GAS2L3: variants seen among roughly 807,000 people sequenced by gnomAD.
The protein encoded by GAS2L3 is growth arrest specific 2 like 3, also known as GAS2-like protein 3.
Under a neutral mutation model 37.0 loss-of-function variants are expected in GAS2L3, and 28 were observed. The observed-to-expected ratio is 0.76, with a 90% confidence interval of 0.56 to 1.04. The LOEUF is 1.04. Ranked by LOEUF, GAS2L3 falls within the 50% of genes least tolerant of loss-of-function variation. The pLI, the probability that GAS2L3 is intolerant of heterozygous loss-of-function variation, is 0.00. For synonymous variants in GAS2L3, 290 were observed against 296.6 expected (o/e 0.98, Z 0.23); for missense variants, 793 against 817.6 (o/e 0.97, Z 0.37).
intron 1 of GAS2L3, among the ~76,000 whole-genome samples, chr12:100,588,274 C>T (rs972216477): frequency 8.5e-5 from 13 of 152,064 alleles, no homozygotes; most frequent in African/African-American, 3.1e-4. Flanking sequence ...TAAAGAGAGA[C>T]AGTACAAAGA....
chr12:100,579,391 T>A, intron 1 of GAS2L3: 1 of 915,354 alleles, frequency 1.1e-6, no homozygotes, highest in South Asian at 1.5e-5. Context: ...TTGACTTCAC[T>A]CCAGACCCAT....
chr12:100,615,331 A>G (rs1303411330), intron 6 of GAS2L3, among the ~76,000 whole-genome samples: 1 of 152,088 alleles, frequency 6.6e-6, no homozygotes, highest in Non-Finnish European at 1.5e-5. Flanking sequence ...TCCTTTGCCT[A>G]TTTTAAAAAT....
chr12:100,605,168 T>C (rs1956041299), intron 5 of GAS2L3, among the ~76,000 whole-genome samples: 1 of 152,040 alleles, frequency 6.6e-6, no homozygotes, highest in Non-Finnish European at 1.5e-5. Context: ...AGGATTGCTA[T>C]TAGTTCTTTA....
Position 100,622,257 on chromosome 12 carries a change from A to G in GAS2L3, c.649-18A>G. On this transcript the variant is annotated intron_variant, in intron 8 of 9. Coordinates refer to ENST00000547754, the MANE Select transcript of GAS2L3 (RefSeq NM_174942.3). ...CTTTTTGTGACAAGCACTAAATTTTATTTGTTCGTCATCTTAGGTTAAACA... is the reference window on the plus strand; with the variant it reads ...CTTTTTGTGACAAGCACTAAATTTTGTTTGTTCGTCATCTTAGGTTAAACA... 1.5e-6 allele frequency: 2 copies of G among 1,370,750 alleles called. No individual in the cohort carries two copies. The highest frequency in any genetic ancestry group is 2.1e-6 in the Non-Finnish European group (2 of 972,350). 84.9% of individuals were successfully genotyped at this position (1,370,750 alleles called of 1,614,324 possible).
Position 100,623,848 on chromosome 12 carries a change from G to C in GAS2L3, c.1043G>C (p.Arg348Pro). 2 of 1,613,896 alleles carry C rather than the reference G, an allele frequency of 1.2e-6. No homozygotes were observed. Among genetic ancestry groups the C allele is most frequent in the South Asian group, 2.2e-5 (2 of 91,070 alleles). Residue 348 changes from arginine (R) to proline (P), a missense_variant, in exon 10 of 10, where the codon CGT becomes CCT. Arg to Pro is a moderately radical substitution (Grantham distance 103). Transcript: ENST00000547754. ...CCAAAAAGCAAAGAAAAACAGGGAC[G>C]TCCACCAGGTGCATTGGTGCCAGCA... ...SIPKSKEKQG[R>P]PPGALVPASS...
chr12:100,586,082 T>G (rs556987183), intron 1 of GAS2L3, among the ~76,000 whole-genome samples: 3 of 152,318 alleles, frequency 2.0e-5, no homozygotes, highest in Admixed American at 6.5e-5. Flanking sequence ...CTCTCTTAGT[T>G]AAAATTCATT....
At chr12:100,580,191 C>G (rs1955693392) in intron 1 of GAS2L3, 1 of 706,434 alleles carries the variant, frequency 1.4e-6, no homozygotes, top group East Asian at 2.5e-5. Flanking sequence ...TATCTAAAAC[C>G]AGGTAGAAGA....
At position 100,624,172 on chromosome 12, in the gene GAS2L3, C is replaced by T. The variant is rs1309413530; in HGVS notation, c.1367C>T (p.Pro456Leu). ...CCAGCCCAGAATTCAGCAGATCTGCCCGAGTCCACACTTTTGCCAAATAAG... is the reference window on the plus strand; with the variant it reads ...CCAGCCCAGAATTCAGCAGATCTGCTCGAGTCCACACTTTTGCCAAATAAG... ...VIPAQNSADLPESTLLPNKCS... is the reference protein window; with the variant it reads ...VIPAQNSADLLESTLLPNKCS... Residue 456 changes from proline to leucine, a missense_variant, in exon 10 of 10, where the codon CCC (proline) becomes CTC (leucine). By Grantham distance (98) the Pro-to-Leu change is moderately conservative (BLOSUM62 -3). Transcript: ENST00000547754. 2 of 1,613,646 alleles carry T rather than the reference C, an allele frequency of 1.2e-6. No individual in the cohort carries two copies. Among genetic ancestry groups the T allele is most frequent in the South Asian group, 1.1e-5 (1 of 91,042 alleles).
chr12:100,585,054 ATTT>A (rs34714372), intron 1 of GAS2L3, among the ~76,000 whole-genome samples: 9 of 118,620 alleles, frequency 7.6e-5, no homozygotes, highest in African/African-American at 2.6e-4. Context: ...ACACCTGGCT[ATTT>A]TTTTTTTTTT....
intron 6 of GAS2L3, among the ~76,000 whole-genome samples, chr12:100,617,359 G>C (rs1218070410): frequency 6.6e-6 from 1 of 152,152 alleles, no homozygotes; most frequent in Non-Finnish European, 1.5e-5. Flanking sequence ...CTTTGTAAGA[G>C]TTTGAGAAAG....
rs536860593 is a variant in GAS2L3, at chr12:100,579,061, C to T, written c.-152+5276C>T. On this transcript the variant is annotated intron_variant, in intron 1 of 9. Transcript: ENST00000547754. ...ATAACCAGTCTATGGCCATGACCCT[C>T]TTTCACAGTCTGCCATTGCTCAAGT... 242 of 746,190 alleles carry T rather than the reference C, an allele frequency of 3.2e-4. No individual in the cohort carries two copies. The African/African-American group carries it at 3.9e-3, about 12-fold the overall frequency. The allele number at this position is 746,190 out of a possible 1,614,324, so 46.2% of individuals were successfully genotyped here.
intron 1 of GAS2L3, among the ~76,000 whole-genome samples, chr12:100,587,513 G>A (rs940893886): frequency 6.6e-6 from 1 of 152,176 alleles, no homozygotes; most frequent in Admixed American, 6.5e-5. Flanking sequence ...TGGAGAAAAA[G>A]CATTAGGCAA....
intron 8 of GAS2L3, among the ~76,000 whole-genome samples, chr12:100,619,494 TTTGA>T (rs538357807): frequency 4.6e-5 from 7 of 152,088 alleles, no homozygotes; most frequent in Non-Finnish European, 1.0e-4. Context: ...AAAGTATTGC[TTTGA>T]TTGTTTTGTT....
chr12:100,610,319 T>C (rs1333639109), intron 5 of GAS2L3, among the ~76,000 whole-genome samples: 6 of 152,226 alleles, frequency 3.9e-5, no homozygotes, highest in Admixed American at 1.3e-4. Flanking sequence ...ATTTTTTAAA[T>C]ATGTTATTTT....
At chr12:100,576,715 A>G (rs1955641789) in intron 1 of GAS2L3, among the ~76,000 whole-genome samples, 1 of 151,772 alleles carries the variant, frequency 6.6e-6, no homozygotes, top group Non-Finnish European at 1.5e-5. Context: ...AAAACTCAGA[A>G]AGTGTTTTCA....
At chr12:100,588,364 C>A (rs939386492) in intron 1 of GAS2L3, among the ~76,000 whole-genome samples, 3 of 152,114 alleles carry the variant, frequency 2.0e-5, no homozygotes, top group African/African-American at 7.2e-5. Flanking sequence ...CTCAGACCAG[C>A]AAGTTTTTAT....
At position 100,623,555 on chromosome 12, in the gene GAS2L3, G is replaced by C; in HGVS notation, c.757-7G>C. On this transcript the variant is annotated splice_region_variant and splice_polypyrimidine_tract_variant and intron_variant, in intron 9 of 9. Transcript: ENST00000547754. ...CAGCTTTACTTTTTGTTTTCCTTTG[G>C]GGGCAGATGCTTCATGGAAAACATG... 6.3e-7 allele frequency: 1 copy of C among 1,583,000 alleles called. No homozygotes were observed. The highest frequency in any genetic ancestry group is 8.6e-7 in the Non-Finnish European group (1 of 1,167,472).
intron 2 of GAS2L3, among the ~76,000 whole-genome samples, chr12:100,594,287 A>G (rs1029000677): frequency 2.0e-5 from 3 of 152,008 alleles, no homozygotes; most frequent in Admixed American, 6.6e-5. Context: ...GTAGATTTCA[A>G]GAATACTACT....
intron 1 of GAS2L3, among the ~76,000 whole-genome samples, chr12:100,580,921 A>T (rs1246280143): frequency 6.6e-6 from 1 of 152,222 alleles, no homozygotes; most frequent in African/African-American, 2.4e-5. Context: ...TGCTCATGCC[A>T]GTTAATGCCA....
Sources: allele counts gnomAD v4.1 joint callset (sites outside exome capture counted in the v4.1 genomes callset), GRCh38; gene constraint gnomAD v4.1.1; transcripts MANE v1.5; gene names NCBI Gene and HGNC (gene_info 2026-07-23, HGNC 2026-07-21).